The following CDCP2 variants were observed in gnomAD, a reference collection of about 807,000 sequenced individuals.
CDCP2 encodes CUB domain containing protein 2, also known as CUB domain-containing protein 2.
A neutral mutation model predicts 31.0 loss-of-function variants in CDCP2; 31 were observed. The ratio of observed to expected loss-of-function variants is 1.00; its 90% confidence interval spans 0.75 to 1.35. The LOEUF is 1.35. Ranked by LOEUF, CDCP2 falls within the 40% of genes most tolerant of loss-of-function variation. The pLI is 0.00. For missense variants in CDCP2, 443 were observed against 482.6 expected (o/e 0.92, Z 0.77); for synonymous variants, 206 against 207.9 (o/e 0.99, Z 0.08).
intron 1 of CDCP2, among the ~76,000 whole-genome samples, chr1:54,146,377 A>C (rs1330628871): frequency 6.6e-6 from 1 of 151,710 alleles, no homozygotes; most frequent in Non-Finnish European, 1.5e-5. Context: ...ACAGGGTTTC[A>C]CCATTTTGGG....
intron 4 of CDCP2, chr1:54,137,656 G>C (rs1001191284): frequency 2.4e-5 from 1 of 42,372 alleles, no homozygotes; most frequent in African/African-American, 7.0e-5. Flanking sequence ...GTCTGCTTTG[G>C]GTGAGCATGT....
chr1:54,152,987 C>A, upstream of CDCP2: 1 of 1,499,150 alleles, frequency 6.7e-7, no homozygotes, highest in Non-Finnish European at 9.3e-7. Flanking sequence ...GGGTCCGGAG[C>A]AAGGGAAAGA....
At chr1:54,143,849 C>T (rs1453474386) in intron 2 of CDCP2, 5 of 152,246 alleles carry the variant, frequency 3.3e-5, no homozygotes, top group Non-Finnish European at 7.3e-5. Flanking sequence ...ACAAGGCCTC[C>T]TCTCCCTCAC....
chr1:54,148,550 A>G (rs1659515373), intron 1 of CDCP2, among the ~76,000 whole-genome samples: 1 of 151,826 alleles, frequency 6.6e-6, no homozygotes, highest in South Asian at 2.1e-4. Context: ...AAATGAAGAA[A>G]TATGAATCTC....
exon 3 of CDCP2, chr1:54,141,429 C>T (rs780955429): frequency 6.2e-7 from 1 of 1,602,080 alleles, no homozygotes; most frequent in Non-Finnish European, 8.5e-7. Flanking sequence ...CGCCGCCACA[C>T]ACATCTGCAA....
At chr1:54,146,534 T>C (rs1557708720) in intron 1 of CDCP2, among the ~76,000 whole-genome samples, 1 of 151,896 alleles carries the variant, frequency 6.6e-6, no homozygotes, top group Non-Finnish European at 1.5e-5. Flanking sequence ...TTAATTTGAA[T>C]TGAAAGTATC....
intron 1 of CDCP2, among the ~76,000 whole-genome samples, chr1:54,146,691 C>T (rs540803074): frequency 6.6e-6 from 1 of 151,954 alleles, no homozygotes; most frequent in East Asian, 1.9e-4. Context: ...CTCTTTAGAG[C>T]AATGTCTGGT....
chr1:54,140,950 A>G, intron 3 of CDCP2, 148 bp downstream of exon 3: 1 of 609,410 alleles, frequency 1.6e-6, no homozygotes, highest in Non-Finnish European at 2.7e-6. Context: ...GGCATAGGCC[A>G]AGGGTATGCT....
rs369800097 is a variant in CDCP2, at chr1:54,139,585, G to C, written c.1117+168C>G. The C allele has an allele frequency of 5.1e-5, 83 of 1,613,976 alleles. No homozygotes were observed. The Admixed American group carries it at 7.5e-4, about 15-fold the overall frequency. Reference sequence around the variant, plus strand: ...GCGGGAGCCGTACCGTCCAGTCTTAGGGGTCCCGAGAGTGGGCAAGGGTGT... The same window carrying C: ...GCGGGAGCCGTACCGTCCAGTCTTACGGGTCCCGAGAGTGGGCAAGGGTGT... On this transcript the variant is annotated intron_variant, in intron 4 of 5. Transcript: ENST00000530059.
intron 1 of CDCP2, among the ~76,000 whole-genome samples, chr1:54,145,030 C>A (rs2100428579): frequency 6.6e-6 from 1 of 152,268 alleles, no homozygotes; most frequent in South Asian, 2.1e-4. Context: ...AGACATTGTT[C>A]TAGGTGCTGG....
chr1:54,150,828 T>A (rs1489939883), intron 1 of CDCP2, among the ~76,000 whole-genome samples: 6 of 152,136 alleles, frequency 3.9e-5, no homozygotes, highest in Non-Finnish European at 1.5e-5. Flanking sequence ...ACCAAAAGCA[T>A]CCTGAAGAAT....
chr1:54,143,815 G>A (rs1049715176), intron 2 of CDCP2: 1 of 152,236 alleles, frequency 6.6e-6, no homozygotes, highest in African/African-American at 2.4e-5. Context: ...AAGGATGAGT[G>A]AGTGAAAGAG....
At chr1:54,145,354 A>G (rs1659449445) in intron 1 of CDCP2, among the ~76,000 whole-genome samples, 1 of 152,188 alleles carries the variant, frequency 6.6e-6, no homozygotes, top group Non-Finnish European at 1.5e-5. Context: ...TGCACCCGGG[A>G]GGCGGAGGTT....
intron 5 of CDCP2, among the ~76,000 whole-genome samples, chr1:54,136,015 G>T (rs1210231326): frequency 6.6e-6 from 1 of 152,190 alleles, no homozygotes; most frequent in African/African-American, 2.4e-5. Flanking sequence ...CTCTGTGAGG[G>T]CCCTAAGTCT....
intron 4 of CDCP2, chr1:54,138,489 A>C (rs1373868186): frequency 1.3e-5 from 2 of 152,248 alleles, no homozygotes; most frequent in African/African-American, 4.8e-5. Flanking sequence ...CTCCCCTTGC[A>C]TATGGAGCAA....
chr1:54,145,312 G>A (rs1230509498), intron 1 of CDCP2, among the ~76,000 whole-genome samples: 3 of 152,172 alleles, frequency 2.0e-5, no homozygotes, highest in Non-Finnish European at 2.9e-5. Flanking sequence ...TGTAGTCCCA[G>A]CTACCTGGGA....
exon 2 of CDCP2, chr1:54,144,592 G>A (rs1659429075): frequency 6.2e-7 from 1 of 1,614,098 alleles, no homozygotes; most frequent in Admixed American, 1.7e-5. Context: ...CTCCCCAGCA[G>A]GTTGCCCTTG....
chr1:54,144,443 G>C, intron 2 of CDCP2, 23 bp downstream of exon 2: 1 of 1,542,154 alleles, frequency 6.5e-7, no homozygotes, highest in Non-Finnish European at 8.8e-7. Flanking sequence ...CACTGCAACA[G>C]GTCCCTAAGG....
chr1:54,139,910 C>G (rs149351262), exon 4 of CDCP2: 2 of 1,614,050 alleles, frequency 1.2e-6, no homozygotes, highest in Non-Finnish European at 1.7e-6. Flanking sequence ...CATCGAAGGC[C>G]GCCAGATGGT....
Sources: allele counts gnomAD v4.1 joint callset (sites outside exome capture counted in the v4.1 genomes callset), GRCh38; gene constraint gnomAD v4.1.1; transcripts MANE v1.5; gene names NCBI Gene and HGNC (gene_info 2026-07-23, HGNC 2026-07-21).